Variants in FNDC1 observed in about 807,000 individuals in gnomAD.
FNDC1 encodes the protein fibronectin type III domain-containing protein 1.
In FNDC1, 96 loss-of-function variants were observed where a neutral mutation model predicts 168.0. The observed-to-expected ratio is 0.57, with a 90% CI of 0.48 to 0.68. The LOEUF is 0.68. Ranked by LOEUF, FNDC1 falls within the 30% of genes least tolerant of loss-of-function variation. The pLI, the probability that FNDC1 is intolerant of heterozygous loss-of-function variation, is 0.00. For missense variants in FNDC1, 2,587 were observed against 2,482.1 expected (o/e 1.04, Z -0.90); for synonymous variants, 1,099 against 1,025.9 (o/e 1.07, Z -1.36).
rs370107837 is a variant in FNDC1 at position 159,223,504 on chromosome 6, C to T, written c.767-24C>T. 55 of 1,527,654 alleles carry T rather than the reference C, an allele frequency of 3.6e-5. No homozygotes were observed. The African/African-American group carries it at 5.8e-4, about 16-fold the overall frequency. The allele number at this position is 1,527,654 out of a possible 1,614,324, so 94.6% of individuals were successfully genotyped here. ...GAACCTGTTGTGAGAGAAAGCCTTT[C>T]TCTGGGTCTCGTTGTCATTTCAGAA... On this transcript the variant is annotated intron_variant, in intron 6 of 22. Transcript: ENST00000297267.
chr6:159,200,006 A>C lies in FNDC1; in HGVS notation c.315A>C (p.Val105=). The C allele has an allele frequency of 6.2e-7, 1 of 1,604,918 alleles. No individual in the cohort carries two copies. The highest frequency in any genetic ancestry group is 2.2e-5 in the East Asian group (1 of 44,598). ...AACCGTATGTTTCAGAGCCGGGGGTAGTGTACTTTGTGCTGCTTACTGCAG... is the reference window on the plus strand; with the variant it reads ...AACCGTATGTTTCAGAGCCGGGGGTCGTGTACTTTGTGCTGCTTACTGCAG... ...SFLIEDVEPG[V]VYFVLLTAEN... The change falls in exon 3 of 23, where the codon GTA becomes GTC. Residue 105 remains valine, a synonymous_variant. Coordinates refer to ENST00000297267, the MANE Select transcript of FNDC1 (RefSeq NM_032532.3).
At chr6:159,256,984 G>A (rs920289112) in intron 18 of FNDC1, among the ~76,000 whole-genome samples, 1 of 152,232 alleles carries the variant, frequency 6.6e-6, no homozygotes, top group East Asian at 1.9e-4. Flanking sequence ...TGAAAATGGA[G>A]CTGCAATCAC....
Position 159,233,938 on chromosome 6 carries a change from C to T in FNDC1, c.3426C>T (p.Gly1142=), listed in dbSNP as rs777463405. The change falls in exon 11 of 23, where the codon GGC becomes GGT. Residue 1142 remains glycine, a synonymous_variant. Coordinates refer to ENST00000297267, the MANE Select transcript of FNDC1 (RefSeq NM_032532.3). The surrounding 1 kb of genome is among the most constrained non-coding windows in gnomAD (Gnocchi z 4.6). ...AASPARPSRP[G]GPQSRARVPS... ...CCCCCGCCAGGCCCAGCCGACCCGG[C>T]GGCCCCCAGTCCCGCGCCCGGGTAC... 3.2e-6 allele frequency: 5 copies of T among 1,558,718 alleles called. No individual in the cohort carries two copies. The South Asian group carries it at 4.7e-5, about 15-fold the overall frequency.
chr6:159,238,490 A>G (rs1344852134), intron 12 of FNDC1, 64 bp from the exon 13 acceptor site: 8 of 1,077,492 alleles, frequency 7.4e-6, no homozygotes, highest in Non-Finnish European at 8.3e-6. Flanking sequence ...ATACATATAT[A>G]ATTGGACTAA....
intron 1 of FNDC1, among the ~76,000 whole-genome samples, chr6:159,183,253 T>C (rs1370507569): frequency 6.6e-6 from 1 of 152,202 alleles, no homozygotes; most frequent in African/African-American, 2.4e-5. Flanking sequence ...CCTTGAATGG[T>C]GGTGGACACT....
intron 1 of FNDC1, among the ~76,000 whole-genome samples, chr6:159,197,119 T>G (rs1782259069): frequency 6.6e-6 from 1 of 152,222 alleles, no homozygotes; most frequent in African/African-American, 2.4e-5. Context: ...AAATTACTGA[T>G]TTGTTATTCT....
intron 5 of FNDC1, among the ~76,000 whole-genome samples, chr6:159,217,554 T>C (rs533068959): frequency 6.6e-6 from 1 of 152,254 alleles, no homozygotes; most frequent in African/African-American, 2.4e-5. Flanking sequence ...CCTTCCCTGA[T>C]ACAGCCTAGG....
intron 1 of FNDC1, among the ~76,000 whole-genome samples, chr6:159,178,934 A>G (rs1486491743): frequency 2.6e-5 from 4 of 152,114 alleles, no homozygotes; most frequent in Admixed American, 2.6e-4. Flanking sequence ...CTCGTGATGC[A>G]CAATGTCACA....
chr6:159,270,309 G>A (rs1777715810), intron 22 of FNDC1, among the ~76,000 whole-genome samples: 1 of 152,146 alleles, frequency 6.6e-6, no homozygotes, highest in African/African-American at 2.4e-5. Context: ...ATAATAAATG[G>A]TAATCTCATC....
At chr6:159,181,056 C>T (rs1189354456) in intron 1 of FNDC1, among the ~76,000 whole-genome samples, 1 of 152,196 alleles carries the variant, frequency 6.6e-6, no homozygotes, top group Non-Finnish European at 1.5e-5. Flanking sequence ...GAAATCACCA[C>T]ACTATCTTCC....
At chr6:159,223,431 T>G in intron 6 of FNDC1, 97 bp from the exon 7 acceptor site, 1 of 641,698 alleles carries the variant, frequency 1.6e-6, no homozygotes, top group East Asian at 2.9e-5. Flanking sequence ...AATCTAAAAC[T>G]TATGCAGGGT....
In FNDC1 at chr6:159,215,044, G is replaced by A. The variant is rs1260551839; in HGVS notation, c.560G>A (p.Ser187Asn). ...GCACCACGCCTGTCTGGAGCCAAGA[G>A]TCCACGCAGATCACGGGGTTTTCTC... is the stretch of plus-strand genomic sequence containing the variant. Reference protein sequence around the residue: ...WKAPRLSGAKSPRRSRGFLLG... With the variant: ...WKAPRLSGAKNPRRSRGFLLG... The change falls in exon 5 of 23, where the codon AGT becomes AAT. Residue 187 changes from serine to asparagine, a missense_variant. Transcript: ENST00000297267. 1.9e-6 allele frequency: 3 copies of A among 1,614,032 alleles called. No individual in the cohort carries two copies. Among genetic ancestry groups the A allele is most frequent in the Non-Finnish European group, 1.7e-6 (2 of 1,179,892 alleles).
chr6:159,233,957 C>G lies in FNDC1; in HGVS notation c.3445C>G (p.Arg1149Gly). The G allele has an allele frequency of 6.3e-7, 1 of 1,576,936 alleles. No homozygotes were observed. The highest frequency in any genetic ancestry group is 1.3e-5 in the African/African-American group (1 of 74,200). ...ACCCGGCGGCCCCCAGTCCCGCGCC[C>G]GGGTACCCAGCAGGGCAGCGCCGGG... ...SRPGGPQSRA[R>G]VPSRAAPGKS... Residue 1149 changes from arginine to glycine, a missense_variant, in exon 11 of 23, where the codon CGG becomes GGG. Transcript: ENST00000297267. This position sits in a 1 kb window ranked among gnomAD's most constrained non-coding sequence, Gnocchi z 4.6.
At chr6:159,270,369 A>C (rs539591503) in intron 22 of FNDC1, among the ~76,000 whole-genome samples, 1 of 152,390 alleles carries the variant, frequency 6.6e-6, no homozygotes, top group South Asian at 2.1e-4. Context: ...TATATAGCCT[A>C]GTCCAGTTGA....
chr6:159,207,115 G>A (rs1782501999), intron 4 of FNDC1, among the ~76,000 whole-genome samples: 1 of 152,186 alleles, frequency 6.6e-6, no homozygotes, highest in Non-Finnish European at 1.5e-5. Flanking sequence ...CCCCACCCCA[G>A]CAGAAATGCC....
At chr6:159,225,930 G>A (rs963567378) in intron 8 of FNDC1, among the ~76,000 whole-genome samples, 1 of 152,170 alleles carries the variant, frequency 6.6e-6, no homozygotes, top group Non-Finnish European at 1.5e-5. Flanking sequence ...CCGTTTGTTG[G>A]CCTTTTCCAC....
intron 17 of FNDC1, among the ~76,000 whole-genome samples, chr6:159,253,217 C>T (rs563933035): frequency 6.6e-6 from 1 of 152,164 alleles, no homozygotes; most frequent in Non-Finnish European, 1.5e-5. Context: ...AATACAGAGC[C>T]GTGCCAACTC....
chr6:159,228,550 T>TC (rs1356953776), intron 9 of FNDC1, among the ~76,000 whole-genome samples: 1 of 152,012 alleles, frequency 6.6e-6, no homozygotes, highest in Non-Finnish European at 1.5e-5. Context: ...GAAACGTTTT[T>TC]TTTTTAAATA....
At position 159,217,652 on chromosome 6, in the gene FNDC1, G is replaced by C. The variant is rs181075346; in HGVS notation, c.667+2501G>C. On this transcript the variant is annotated intron_variant, in intron 5 of 22. Transcript: ENST00000297267. Reference sequence around the variant, plus strand: ...CTGCCTGGTGGGTGTTCCAGGCACGGGCTGGCCGCATGGCATTTTGTGTGT... The same window carrying C: ...CTGCCTGGTGGGTGTTCCAGGCACGCGCTGGCCGCATGGCATTTTGTGTGT... 4.2e-3 allele frequency among the ~76,000 whole-genome samples: 646 copies of C among 152,252 alleles called. 5 individuals carry two copies. The highest frequency in any genetic ancestry group is 0.015 in the African/African-American group (629 of 41,548).
Sources: gnomAD v4.1 joint callset for allele counts (sites outside exome capture counted in the v4.1 genomes callset) on GRCh38, gnomAD v4.1.1 for gene constraint, Gnocchi (gnomAD v3.1) non-coding constraint, MANE v1.5 for transcripts, NCBI Gene and HGNC (gene_info 2026-07-23, HGNC 2026-07-21) for gene names.